The following TTLL1 variants were observed in gnomAD, a reference collection of about 807,000 sequenced individuals.
The protein encoded by TTLL1 is polyglutamylase complex subunit TTLL1.
A neutral mutation model predicts 47.8 loss-of-function variants in TTLL1; 33 were observed. The observed-to-expected ratio is 0.69, with a 90% confidence interval of 0.52 to 0.92. The LOEUF (loss-of-function observed/expected upper bound fraction) is 0.92. Ranked by LOEUF, TTLL1 falls within the 40% of genes least tolerant of loss-of-function variation. The pLI is 0.00. For missense variants in TTLL1, 488 were observed against 547.5 expected (o/e 0.89, Z 1.08); for synonymous variants, 225 against 214.1 (o/e 1.05, Z -0.45).
intron 3 of TTLL1, among the ~76,000 whole-genome samples, chr22:43,073,710 C>A (rs1264683528): frequency 2.0e-5 from 3 of 152,112 alleles, no homozygotes; most frequent in Non-Finnish European, 2.9e-5. Context: ...CTTAACCCAC[C>A]CCCCCATACT....
In TTLL1 at chr22:43,075,610, T is replaced by C; in HGVS notation, c.-4-20A>G. The C allele has an allele frequency of 6.2e-7, 1 of 1,606,278 alleles. No individual in the cohort carries two copies. The highest frequency in any genetic ancestry group is 8.5e-7 in the Non-Finnish European group (1 of 1,172,990). ...ATAATCCTGGAAGAGATCAAAATAT[T>C]AGAGATATGAAACTTCAACAGCTCA... On this transcript the variant is annotated intron_variant, in intron 2 of 10. Transcript: ENST00000266254.
At chr22:43,072,600 T>C (rs1465429722) in intron 3 of TTLL1, among the ~76,000 whole-genome samples, 1 of 152,064 alleles carries the variant, frequency 6.6e-6, no homozygotes, top group East Asian at 1.9e-4. Flanking sequence ...GCCTCTCAAG[T>C]AGCTGGGGCT....
intron 8 of TTLL1, among the ~76,000 whole-genome samples, chr22:43,052,704 C>T (rs557949026): frequency 6.6e-6 from 1 of 152,030 alleles, no homozygotes; most frequent in East Asian, 1.9e-4. Flanking sequence ...CATGATCGTG[C>T]CACTGCACTC....
intron 8 of TTLL1, 120 bp downstream of exon 8, chr22:43,059,264 G>C (rs1927234851): frequency 1.4e-6 from 2 of 1,405,982 alleles, no homozygotes; most frequent in Non-Finnish European, 1.9e-6. Flanking sequence ...AGCTTGCTGG[G>C]ATTACAGGCG....
At chr22:43,064,030 C>T in intron 6 of TTLL1, 109 bp from the exon 7 acceptor site, 1 of 1,473,442 alleles carries the variant, frequency 6.8e-7, no homozygotes, top group South Asian at 1.2e-5. Context: ...ACACGACTCA[C>T]ATCGGCATCG....
intron 2 of TTLL1, among the ~76,000 whole-genome samples, chr22:43,077,684 G>A (rs1928598670): frequency 6.6e-6 from 1 of 152,168 alleles, no homozygotes; most frequent in Non-Finnish European, 1.5e-5. Context: ...TTTTCAAACT[G>A]CTCAGGCAGC....
At chr22:43,057,409 C>T (rs2065788171) in intron 8 of TTLL1, among the ~76,000 whole-genome samples, 1 of 152,098 alleles carries the variant, frequency 6.6e-6, no homozygotes, top group African/African-American at 2.4e-5. Context: ...TGTGCCCGGC[C>T]AATTTCATAC....
rs567290739 is a variant in TTLL1 at position 43,053,240 on chromosome 22, G to C, written c.892-1353C>G. 4.6e-5 allele frequency among the ~76,000 whole-genome samples: 7 copies of C among 152,202 alleles called. No individual in the cohort carries two copies. The East Asian group carries it at 1.4e-3, about 29-fold the overall frequency. The stretch of plus-strand genomic sequence containing the variant: ...GTGAAGCATAGAGACGGGGTAGGGA[G>C]GTCTTGTCACACGATAGAGGGCATC... On this transcript the variant is annotated intron_variant, in intron 8 of 10. Transcript: ENST00000266254.
intron 10 of TTLL1, among the ~76,000 whole-genome samples, chr22:43,044,007 C>T (rs1393985564): frequency 6.6e-6 from 1 of 152,094 alleles, no homozygotes; most frequent in Non-Finnish European, 1.5e-5. Flanking sequence ...TCACCCCTTG[C>T]ATTATCTCCA....
chr22:43,057,929 A>C (rs1189867996), intron 8 of TTLL1, among the ~76,000 whole-genome samples: 1 of 147,816 alleles, frequency 6.8e-6, no homozygotes, highest in East Asian at 2.0e-4. Context: ...CTGGGGAAGC[A>C]CTGGAAATAT....
intron 10 of TTLL1, among the ~76,000 whole-genome samples, chr22:43,041,955 C>G (rs1024956286): frequency 1.3e-5 from 2 of 152,166 alleles, no homozygotes; most frequent in African/African-American, 4.8e-5. Flanking sequence ...GTCCCTATGA[C>G]ACAAGGAAGC....
At chr22:43,087,780 G>A (rs1601713467) in intron 1 of TTLL1, among the ~76,000 whole-genome samples, 1 of 149,248 alleles carries the variant, frequency 6.7e-6, no homozygotes, top group East Asian at 2.0e-4. Flanking sequence ...AGAGGTTGCA[G>A]TGAGCCAAGA....
chr22:43,066,192 A>G lies in TTLL1; in HGVS notation c.504-1868T>C, dbSNP rs553044091. On this transcript the variant is annotated intron_variant, in intron 5 of 10. Coordinates refer to ENST00000266254, the MANE Select transcript of TTLL1 (RefSeq NM_012263.5). The stretch of plus-strand genomic sequence containing the variant: ...AAAAAATTAAAAAAAAAATCAAGCT[A>G]CTAGAAAAAAAATGGATGGTAAAGA... 8.6e-5 allele frequency among the ~76,000 whole-genome samples: 13 copies of G among 151,518 alleles called. No homozygotes were observed. The East Asian group carries it at 2.1e-3, about 25-fold the overall frequency.
At chr22:43,072,836 C>T (rs1420347475) in intron 3 of TTLL1, among the ~76,000 whole-genome samples, 1 of 151,992 alleles carries the variant, frequency 6.6e-6, no homozygotes, top group Non-Finnish European at 1.5e-5. Flanking sequence ...TGGTCTCAAA[C>T]TCCTCGCAAG....
intron 3 of TTLL1, among the ~76,000 whole-genome samples, chr22:43,073,077 C>G (rs6003035): frequency 0.19 from 27,457 of 146,598 alleles, 2,636 homozygotes; most frequent in African/African-American, 0.25. Context: ...TGCAGTGGTG[C>G]GATCTTAGCT....
At position 43,088,144 on chromosome 22, in the gene TTLL1, AAAAT is replaced by A. The variant is rs201843622; in HGVS notation, c.-90+1129_-90+1132del. 5.6e-4 allele frequency among the ~76,000 whole-genome samples: 85 copies of A among 151,740 alleles called. No homozygotes were observed. In the East Asian group the frequency reaches 0.015, roughly 27 times the overall value. ...GGGCAACAAAGCAAGACTCCGTCTA[AAAAT>A]AAATAAATAAATAAATAAAGTAATA... On this transcript the variant is annotated intron_variant, in intron 1 of 10. Transcript: ENST00000266254.
intron 10 of TTLL1, among the ~76,000 whole-genome samples, chr22:43,045,511 A>G (rs977590073): frequency 1.0e-5 from 1 of 97,232 alleles, no homozygotes; most frequent in Non-Finnish European, 1.9e-5. Context: ...GGGTTTCGCT[A>G]TGTTTGCCAG....
chr22:43,058,857 G>A (rs929461098), intron 8 of TTLL1, among the ~76,000 whole-genome samples: 6 of 151,926 alleles, frequency 3.9e-5, no homozygotes, highest in African/African-American at 9.7e-5. Context: ...ACCACACCCC[G>A]CTAATTTTTT....
chr22:43,073,715 C>T lies in TTLL1; in HGVS notation c.113+1759G>A, dbSNP rs544318556. On this transcript the variant is annotated intron_variant, in intron 3 of 10. Transcript: ENST00000266254. ...ACTCAAAGTACTTAACCCACCCCCCCATACTGTTTAACATTTAGTTGTTTC... is the reference window on the plus strand; with the variant it reads ...ACTCAAAGTACTTAACCCACCCCCCTATACTGTTTAACATTTAGTTGTTTC... Among the ~76,000 whole-genome samples, 4 of 152,256 alleles carry T rather than the reference C, an allele frequency of 2.6e-5. No individual in the cohort carries two copies. In the South Asian group the frequency reaches 8.3e-4, roughly 32 times the overall value.
Sources: gnomAD v4.1 joint callset for allele counts (sites outside exome capture counted in the v4.1 genomes callset) on GRCh38, gnomAD v4.1.1 for gene constraint, MANE v1.5 for transcripts, NCBI Gene and HGNC (gene_info 2026-07-23, HGNC 2026-07-21) for gene names.